The following NDRG4 variants were observed in gnomAD, a reference collection of about 807,000 sequenced individuals.
NDRG4 encodes protein NDRG4.
NDRG4 carries 38 observed loss-of-function variants against 55.8 expected under a neutral mutation model. The ratio of observed to expected loss-of-function variants is 0.68; its 90% CI spans 0.53 to 0.89. The LOEUF is 0.89. Ranked by LOEUF, NDRG4 falls within the 40% of genes least tolerant of loss-of-function variation. The pLI is 0.00. For missense variants in NDRG4, 455 were observed against 468.6 expected (o/e 0.97, Z 0.27); for synonymous variants, 190 against 182.7 (o/e 1.04, Z -0.32).
intron 1 of NDRG4, among the ~76,000 whole-genome samples, chr16:58,484,764 C>T (rs1284160832): frequency 1.3e-5 from 2 of 152,164 alleles, no homozygotes; most frequent in African/African-American, 4.8e-5. Flanking sequence ...TTCATAGACC[C>T]TGGCGTTCGC....
At position 58,475,244 on chromosome 16, in the gene NDRG4, G is replaced by A. The variant is rs370895176; in HGVS notation, c.-24+11447G>A. ...CCGTGTAAAAGAAATGCGAGAATTCGTGACAAAAAGTGCCAGTTGCTTTTA... is the reference window on the plus strand; with the variant it reads ...CCGTGTAAAAGAAATGCGAGAATTCATGACAAAAAGTGCCAGTTGCTTTTA... On this transcript the variant is annotated intron_variant, in intron 1 of 15. Coordinates refer to the NDRG4 transcript ENST00000258187. 4.4e-4 allele frequency among the ~76,000 whole-genome samples: 67 copies of A among 152,296 alleles called. No homozygotes were observed. In the East Asian group the frequency reaches 6.0e-3, roughly 14 times the overall value.
chr16:58,504,009 C>T (rs1428445971), intron 2 of NDRG4, 106 bp downstream of exon 2: 3 of 1,543,400 alleles, frequency 1.9e-6, no homozygotes, highest in African/African-American at 2.7e-5. Context: ...CTCACACTCA[C>T]CTCTGTTGCC....
intron 1 of NDRG4, among the ~76,000 whole-genome samples, chr16:58,483,171 A>C (rs1012798722): frequency 6.6e-6 from 1 of 152,128 alleles, no homozygotes; most frequent in Non-Finnish European, 1.5e-5. Context: ...TTTCTGTAGG[A>C]TGTATAACTA....
Position 58,489,531 on chromosome 16 carries a change from G to A in NDRG4, c.72+1681G>A, listed in dbSNP as rs142723438. 2.6e-3 allele frequency among the ~76,000 whole-genome samples: 388 copies of A among 152,004 alleles called. 3 individuals carry two copies. The highest frequency in any genetic ancestry group is 9.0e-3 in the African/African-American group (374 of 41,436). ...TCTGCTCAAATGCTCCCTCCTCAGA[G>A]AGTCCCTCTCTAACCCCTGGGTCTA... On this transcript the variant is annotated intron_variant, in intron 2 of 15. Transcript: ENST00000258187.
chr16:58,501,506 G>T (rs1294067094), intron 1 of NDRG4: 1 of 163,796 alleles, frequency 6.1e-6, no homozygotes, highest in Non-Finnish European at 1.3e-5. Context: ...GGGCCTCAGA[G>T]TGCACCGCGC....
intron 2 of NDRG4, among the ~76,000 whole-genome samples, chr16:58,489,668 G>T (rs1864800743): frequency 6.6e-6 from 1 of 151,942 alleles, no homozygotes; most frequent in South Asian, 2.1e-4. Flanking sequence ...GCACCCCCAG[G>T]TCTCCCCAGT....
At chr16:58,507,067 T>C (rs1273118076) in intron 8 of NDRG4, 52 bp downstream of exon 8, 11 of 1,392,078 alleles carry the variant, frequency 7.9e-6, no homozygotes, top group African/African-American at 1.4e-5. Flanking sequence ...GTGGGGGCCC[T>C]TGCACACTGC....
At chr16:58,477,779 T>C (rs968481742) in intron 1 of NDRG4, among the ~76,000 whole-genome samples, 15 of 104,124 alleles carry the variant, frequency 1.4e-4, no homozygotes, top group African/African-American at 3.5e-4. Context: ...GTAAGGGGGG[T>C]GGAGGGGGTG....
chr16:58,499,405 C>T (rs1201019303), upstream of NDRG4: 1 of 152,396 alleles, frequency 6.6e-6, no homozygotes, highest in Non-Finnish European at 1.5e-5. Flanking sequence ...TGGTGTGTGC[C>T]TGACCATACC....
At chr16:58,497,655 G>T (rs538920677), upstream of NDRG4, among the ~76,000 whole-genome samples, 1 of 152,324 alleles carries the variant, frequency 6.6e-6, no homozygotes, top group Non-Finnish European at 1.5e-5. Flanking sequence ...ACTTCCCCAA[G>T]GTCACACAGC....
rs1239103067 is a variant in NDRG4, at chr16:58,504,425, A to C, written c.311+4A>C. 6.2e-7 allele frequency: 1 copy of C among 1,612,302 alleles called. No homozygotes were observed. Among genetic ancestry groups the C allele is most frequent in the Admixed American group, 1.7e-5 (1 of 60,026 alleles). On this transcript the variant is annotated splice_donor_region_variant and intron_variant, in intron 4 of 14. Coordinates refer to ENST00000570248, the MANE Select transcript of NDRG4 (RefSeq NM_001242835.2). ...CCAGCGTGGTGCAGCATTTCGGGTGAGTCCCCGCACAGCCCCTGCGCTAGG... is the reference window on the plus strand; with the variant it reads ...CCAGCGTGGTGCAGCATTTCGGGTGCGTCCCCGCACAGCCCCTGCGCTAGG...
intron 1 of NDRG4, among the ~76,000 whole-genome samples, chr16:58,468,729 T>C (rs1392454137): frequency 2.0e-5 from 3 of 152,014 alleles, no homozygotes; most frequent in Non-Finnish European, 2.9e-5. Context: ...ATATATATAT[T>C]GTGGGGAGCC....
intron 8 of NDRG4, 76 bp downstream of exon 8, chr16:58,507,091 C>A: frequency 3.5e-6 from 4 of 1,154,684 alleles, no homozygotes; most frequent in Non-Finnish European, 5.1e-6. Flanking sequence ...CTGAGGGAGG[C>A]AGGCAGACAA....
intron 1 of NDRG4, chr16:58,501,066 C>T: frequency 8.1e-7 from 1 of 1,236,382 alleles, no homozygotes; most frequent in Non-Finnish European, 1.0e-6. Flanking sequence ...CCTCCTCTCG[C>T]CGGGGCATCA....
chr16:58,481,345 T>C (rs1229970160), intron 1 of NDRG4, among the ~76,000 whole-genome samples: 1 of 152,198 alleles, frequency 6.6e-6, no homozygotes, highest in African/African-American at 2.4e-5. Context: ...AAGAAAGGCA[T>C]GTGCTTCCCA....
chr16:58,492,835 TTGAG>T (rs1200795906), intron 2 of NDRG4, among the ~76,000 whole-genome samples: 1 of 152,106 alleles, frequency 6.6e-6, no homozygotes, highest in African/African-American at 2.4e-5. Context: ...TGCAAGGTCT[TTGAG>T]TGAGAGATTC....
upstream of NDRG4, chr16:58,499,973 G>A (rs1030898144): frequency 5.7e-6 from 4 of 704,324 alleles, no homozygotes; most frequent in African/African-American, 7.3e-5. Context: ...ACAGGGCTGG[G>A]GCAAGGAGGA....
chr16:58,469,964 C>A (rs2032451272), intron 1 of NDRG4, among the ~76,000 whole-genome samples: 1 of 152,114 alleles, frequency 6.6e-6, no homozygotes, highest in African/African-American at 2.4e-5. Flanking sequence ...CAGAGTCCAA[C>A]AGATGTTTCA....
intron 5 of NDRG4, 90 bp from the exon 6 acceptor site, chr16:58,506,297 G>T (rs953842050): frequency 7.6e-7 from 1 of 1,312,526 alleles, no homozygotes. Flanking sequence ...CCGGGTGGCT[G>T]ATCAGCAGCA....
Sources: allele counts gnomAD v4.1 joint callset (sites outside exome capture counted in the v4.1 genomes callset), GRCh38; gene constraint gnomAD v4.1.1; transcripts MANE v1.5; gene names NCBI Gene and HGNC (gene_info 2026-07-23, HGNC 2026-07-21).